POU2F1: variants seen among roughly 807,000 people sequenced by gnomAD.
POU2F1 encodes POU class 2 homeobox 1, also known as POU domain, class 2, transcription factor 1.
A neutral mutation model predicts 84.9 loss-of-function variants in POU2F1; 16 were observed. That is an observed-to-expected ratio of 0.19 (90% CI 0.13 to 0.29). POU2F1 has a LOEUF of 0.29. Among genes scored for constraint, POU2F1 ranks in the 10% least tolerant of loss-of-function variants. The pLI is 1.00. For synonymous variants in POU2F1, 368 were observed against 368.3 expected (o/e 1.00, Z 0.01); for missense variants, 738 against 942.6 (o/e 0.78, Z 2.84).
chr1:167,398,228 G>T, intron 11 of POU2F1, 95 bp downstream of exon 11: 1 of 1,393,070 alleles, frequency 7.2e-7, no homozygotes, highest in Non-Finnish European at 9.8e-7. Context: ...AAGATGACAT[G>T]TCAGCCTCTG....
intron 5 of POU2F1, 142 bp downstream of exon 5, chr1:167,372,178 A>G (rs1220055110): frequency 1.9e-6 from 2 of 1,029,226 alleles, no homozygotes; most frequent in Non-Finnish European, 2.8e-6. Context: ...AACTTCCTAC[A>G]CTGTAGGTAG....
At chr1:167,292,810 A>T (rs575240974) in intron 1 of POU2F1, among the ~76,000 whole-genome samples, 1 of 152,232 alleles carries the variant, frequency 6.6e-6, no homozygotes, top group Non-Finnish European at 1.5e-5. Context: ...ATCCACCATG[A>T]TCAAGTAGGT....
intron 3 of POU2F1, among the ~76,000 whole-genome samples, chr1:167,368,881 T>C (rs989724764): frequency 6.6e-6 from 1 of 152,186 alleles, no homozygotes. Flanking sequence ...GTATACAAAA[T>C]GGAACTCATT....
At chr1:167,239,090 C>G (rs568271004) in intron 1 of POU2F1, among the ~76,000 whole-genome samples, 8 of 152,122 alleles carry the variant, frequency 5.3e-5, no homozygotes, top group African/African-American at 1.4e-4. Flanking sequence ...TTTTTCCCCC[C>G]CAAATGGACA....
intron 1 of POU2F1, among the ~76,000 whole-genome samples, chr1:167,247,289 C>T (rs1440695903): frequency 6.6e-6 from 1 of 152,060 alleles, no homozygotes. Flanking sequence ...TAGTCTCAAA[C>T]TCCTGGCCTT....
intron 9 of POU2F1, among the ~76,000 whole-genome samples, chr1:167,394,089 G>A (rs940018019): frequency 2.0e-5 from 3 of 151,674 alleles, no homozygotes; most frequent in Admixed American, 2.0e-4. Context: ...CATGATCTCG[G>A]CTCACTGCAA....
In POU2F1 at chr1:167,398,124, T is replaced by C; in HGVS notation, c.1260T>C (p.Ser420=). 6.2e-7 allele frequency: 1 copy of C among 1,613,416 alleles called. No homozygotes were observed. Among genetic ancestry groups the C allele is most frequent in the East Asian group, 2.2e-5 (1 of 44,856 alleles). The part of the protein sequence containing the change: ...ETNIRVALEK[S]FLENQKPTSE... ...ACATCCGTGTGGCCTTAGAGAAGAG[T>C]TTCTTGGAGGTCAGTGAGGATTTTA... The change falls in exon 11 of 16, where the codon AGT becomes AGC. Residue 420 remains serine (S), a synonymous_variant. Transcript: ENST00000367866.
intron 2 of POU2F1, among the ~76,000 whole-genome samples, chr1:167,345,561 C>T (rs1004537589): frequency 6.6e-5 from 10 of 152,084 alleles, no homozygotes; most frequent in Non-Finnish European, 7.4e-5. Context: ...AGGTAAAGAG[C>T]ATTCATTGTG....
chr1:167,291,286 G>GT (rs1400467415), intron 1 of POU2F1, among the ~76,000 whole-genome samples: 6 of 152,132 alleles, frequency 3.9e-5, no homozygotes, highest in Admixed American at 3.9e-4. Flanking sequence ...CTCTAAAACT[G>GT]TGATTTTTAT....
At chr1:167,395,684 C>CG (rs1265192934) in intron 9 of POU2F1, among the ~76,000 whole-genome samples, 1 of 151,962 alleles carries the variant, frequency 6.6e-6, no homozygotes, top group Non-Finnish European at 1.5e-5. Flanking sequence ...GGCTTGCTAC[C>CG]GCCTTGACCT....
In POU2F1 at chr1:167,284,203, A is replaced by AT. The variant is rs989397508; in HGVS notation, c.62-48259dup. On this transcript the variant is annotated intron_variant, in intron 1 of 15. Transcript: ENST00000367866. ...AAAGCTAATGTCCAAATGGTAATAA[A>AT]TTTTTTTTGTTATTAATTGATAATT... 3.0e-4 allele frequency among the ~76,000 whole-genome samples: 46 copies of AT among 152,182 alleles called. No homozygotes were observed. In the East Asian group the frequency reaches 7.3e-3, roughly 24 times the overall value.
In POU2F1 at chr1:167,412,183, ACAGCAG is replaced by A. The variant is rs1557969689; in HGVS notation, c.1785_1790del (p.Ala598_Ala599del). 5 of 1,613,964 alleles carry A rather than the reference ACAGCAG, an allele frequency of 3.1e-6. No homozygotes were observed. Among genetic ancestry groups the A allele is most frequent in the Non-Finnish European group, 4.2e-6 (5 of 1,179,902 alleles). On this transcript the variant is annotated inframe_deletion, in exon 14 of 16. Coordinates refer to ENST00000367866, the MANE Select transcript of POU2F1 (RefSeq NM_002697.4). The stretch of plus-strand genomic sequence containing the variant: ...GATGGTGACAGCATCAGGTTTGCAA[ACAGCAG>A]CAGCTGCTGCCCTTCAAGGAGCTGC...
At chr1:167,347,589 A>G (rs1324592646) in intron 2 of POU2F1, among the ~76,000 whole-genome samples, 1 of 152,226 alleles carries the variant, frequency 6.6e-6, no homozygotes, top group Non-Finnish European at 1.5e-5. Flanking sequence ...AGTGGCATTT[A>G]GTGTATTCAC....
At chr1:167,411,147 C>G (rs1649937639) in intron 13 of POU2F1, among the ~76,000 whole-genome samples, 1 of 151,790 alleles carries the variant, frequency 6.6e-6, no homozygotes, top group Non-Finnish European at 1.5e-5. Context: ...TCAAGCGATT[C>G]TCCTGCCTTA....
chr1:167,392,513 C>T (rs997222905), intron 9 of POU2F1, among the ~76,000 whole-genome samples: 2 of 152,082 alleles, frequency 1.3e-5, no homozygotes, highest in African/African-American at 2.4e-5. Context: ...GAGATTGTTG[C>T]GTAAGTGATA....
chr1:167,254,498 A>G (rs1650985652), intron 1 of POU2F1, among the ~76,000 whole-genome samples: 1 of 152,176 alleles, frequency 6.6e-6, no homozygotes, highest in South Asian at 2.1e-4. Flanking sequence ...AATTCATGTC[A>G]TAGTCATGTT....
intron 1 of POU2F1, chr1:167,329,329 T>A: frequency 6.5e-7 from 1 of 1,546,062 alleles, no homozygotes; most frequent in Non-Finnish European, 8.7e-7. Context: ...ACAGTTCTTT[T>A]CTTAGAAGCT....
chr1:167,403,816 C>T (rs1263044079), intron 13 of POU2F1, among the ~76,000 whole-genome samples: 2 of 152,124 alleles, frequency 1.3e-5, no homozygotes, highest in South Asian at 2.1e-4. Context: ...GTCTGGAGCA[C>T]GTTCTCAAGT....
intron 3 of POU2F1, among the ~76,000 whole-genome samples, chr1:167,368,800 G>A (rs1245705663): frequency 6.6e-6 from 1 of 152,142 alleles, no homozygotes; most frequent in Non-Finnish European, 1.5e-5. Flanking sequence ...ATTCATTTTA[G>A]CTCTTAACTC....
Sources: allele counts gnomAD v4.1 joint callset (sites outside exome capture counted in the v4.1 genomes callset), GRCh38; gene constraint gnomAD v4.1.1; transcripts MANE v1.5; gene names NCBI Gene and HGNC (gene_info 2026-07-23, HGNC 2026-07-21).